FHIT: variants seen among roughly 807,000 people sequenced by gnomAD.
FHIT encodes the protein bis(5'-adenosyl)-triphosphatase.
In FHIT, 19 loss-of-function variants were observed where a neutral mutation model predicts 17.9. The observed-to-expected ratio is 1.06, with a 90% confidence interval of 0.74 to 1.56. The LOEUF (loss-of-function observed/expected upper bound fraction) is 1.56. Ranked by LOEUF, FHIT falls within the 40% of genes most tolerant of loss-of-function variation. The pLI, the probability that FHIT is intolerant of heterozygous loss-of-function variation, is 0.00. For synonymous variants in FHIT, 81 were observed against 69.7 expected, an observed-to-expected ratio of 1.16 and a Z score of -0.81; for missense variants, 248 against 189.2, an observed-to-expected ratio of 1.31 and a Z score of -1.82.
At chr3:59,806,138 A>G (rs2450165) in intron 8 of FHIT, among the ~76,000 whole-genome samples, 12,855 of 151,078 alleles carry the variant, frequency 0.085, 641 homozygotes, top group Non-Finnish European at 0.12. Flanking sequence ...CCGAGATCAC[A>G]CCGCTGCACT....
At chr3:60,539,849 G>A (rs867951126) in intron 4 of FHIT, among the ~76,000 whole-genome samples, 23 of 151,984 alleles carry the variant, frequency 1.5e-4, no homozygotes, top group Admixed American at 3.3e-4. Flanking sequence ...TGAATGACAA[G>A]TTAATGGGTG....
chr3:60,154,489 A>C (rs1282779065), intron 5 of FHIT, among the ~76,000 whole-genome samples: 1 of 152,240 alleles, frequency 6.6e-6, no homozygotes. Context: ...TTTATATCCC[A>C]TCAAGGAATC....
In FHIT at chr3:60,614,819, TGTTTTTTTTTTG is replaced by T. The variant is rs1358319912; in HGVS notation, c.-17-77852_-17-77841del. ...AAAATTGCAAAAGTTGTTTTTTTTT[TGTTTTTTTTTTG>T]TTTTTTTTTTGTTTTTTGAGATGGA... On this transcript the variant is annotated intron_variant, in intron 4 of 9. Coordinates refer to ENST00000492590, the MANE Select transcript of FHIT (RefSeq NM_002012.4). 1.8e-4 allele frequency among the ~76,000 whole-genome samples: 21 copies of T among 114,410 alleles called. 5 individuals are homozygous for T. The highest frequency in any genetic ancestry group is 2.9e-4 in the Admixed American group (3 of 10,324). The allele number at this position is 114,410 out of a possible 152,430, so 75.1% of individuals were successfully genotyped here.
intron 3 of FHIT, among the ~76,000 whole-genome samples, chr3:60,860,158 T>TATATAGATATATCTGATATACATGAG (rs1703594897): frequency 1.4e-5 from 1 of 73,058 alleles, no homozygotes; most frequent in African/African-American, 4.5e-5. Context: ...GTATATATGA[T>TATATAGATATATCTGATATACATGAG]ATACATCATA....
intron 4 of FHIT, among the ~76,000 whole-genome samples, chr3:60,585,841 T>G (rs1313536923): frequency 1.3e-5 from 2 of 152,146 alleles, no homozygotes; most frequent in Non-Finnish European, 2.9e-5. Flanking sequence ...ACAGTTGTTT[T>G]ACTATTTTTT....
At chr3:60,364,573 T>C (rs1417889788) in intron 5 of FHIT, among the ~76,000 whole-genome samples, 1 of 152,218 alleles carries the variant, frequency 6.6e-6, no homozygotes, top group Non-Finnish European at 1.5e-5. Flanking sequence ...ACCCAGGAAA[T>C]TAATGTCACA....
At chr3:61,183,690 G>C (rs1489315970) in intron 2 of FHIT, among the ~76,000 whole-genome samples, 1 of 152,166 alleles carries the variant, frequency 6.6e-6, no homozygotes, top group African/African-American at 2.4e-5. Context: ...AAGCCAAAAA[G>C]CCAGCTACAT....
At chr3:60,536,605 C>A in intron 5 of FHIT, 1 of 369,416 alleles carries the variant, frequency 2.7e-6, no homozygotes, top group South Asian at 1.1e-4. Flanking sequence ...AAAAATTCAC[C>A]TCCAAAGCCA....
intron 1 of FHIT, among the ~76,000 whole-genome samples, chr3:61,239,135 G>A (rs1197959932): frequency 1.3e-5 from 2 of 152,154 alleles, no homozygotes; most frequent in African/African-American, 2.4e-5. Context: ...AAGTAGTGGA[G>A]AAGCAGATGA....
chr3:61,246,449 T>C lies in FHIT; in HGVS notation c.-213+4852A>G, dbSNP rs531735194. Among the ~76,000 whole-genome samples, 62 of 152,294 alleles carry C rather than the reference T, an allele frequency of 4.1e-4. No homozygotes were observed. The South Asian group carries it at 9.7e-3, about 24-fold the overall frequency. ...ATACATAGCTATACATCCATACTTT[T>C]ATGAAAACAAATCCAACAATTTCAT... On this transcript the variant is annotated intron_variant, in intron 1 of 9. Transcript: ENST00000492590.
chr3:60,895,665 C>CCTCTTT (rs1705758961), intron 3 of FHIT, among the ~76,000 whole-genome samples: 2 of 107,020 alleles, frequency 1.9e-5, no homozygotes, highest in East Asian at 6.4e-4. Context: ...TTCCTTCCTT[C>CCTCTTT]CTTTCTTTCT....
chr3:60,038,236 C>G (rs1701301936), intron 5 of FHIT, among the ~76,000 whole-genome samples: 1 of 152,126 alleles, frequency 6.6e-6, no homozygotes, highest in Admixed American at 6.6e-5. Flanking sequence ...ATTTTATGTG[C>G]TATAGTTATT....
chr3:60,704,617 C>T (rs1320012272), intron 4 of FHIT, among the ~76,000 whole-genome samples: 1 of 152,118 alleles, frequency 6.6e-6, no homozygotes, highest in Non-Finnish European at 1.5e-5. Context: ...GACAGAAAAA[C>T]AACTTGAAAA....
At chr3:60,425,470 A>C (rs1250818810) in intron 5 of FHIT, among the ~76,000 whole-genome samples, 4 of 152,062 alleles carry the variant, frequency 2.6e-5, no homozygotes, top group Admixed American at 6.6e-5. Context: ...TAATCTGTAC[A>C]CTAAACCCTT....
At chr3:60,794,568 T>C (rs775437564) in intron 4 of FHIT, among the ~76,000 whole-genome samples, 10 of 152,242 alleles carry the variant, frequency 6.6e-5, no homozygotes, top group African/African-American at 2.4e-4. Flanking sequence ...AGTTCACACA[T>C]AGCTCTGCCA....
At chr3:60,454,519 G>A (rs2031962514) in intron 5 of FHIT, among the ~76,000 whole-genome samples, 1 of 151,684 alleles carries the variant, frequency 6.6e-6, no homozygotes, top group Admixed American at 6.6e-5. Context: ...CGAGTAGCTG[G>A]GACTACAGGC....
rs1349650834 is a variant in FHIT, at chr3:60,350,187, C to T, written c.103+186673G>A. On this transcript the variant is annotated intron_variant, in intron 5 of 9. Coordinates refer to ENST00000492590, the MANE Select transcript of FHIT (RefSeq NM_002012.4). ...AATAATGTCAGTTGCAACTGGGGAA[C>T]TGAGGGTCCTGGAGACTCCCAACTC... 3.3e-5 allele frequency among the ~76,000 whole-genome samples: 5 copies of T among 152,090 alleles called. No homozygotes were observed. The East Asian group carries it at 9.6e-4, about 29-fold the overall frequency.
chr3:60,726,860 C>T (rs1435507576), intron 4 of FHIT, among the ~76,000 whole-genome samples: 1 of 152,108 alleles, frequency 6.6e-6, no homozygotes, highest in Non-Finnish European at 1.5e-5. Context: ...TGTTTGTCCT[C>T]CTAATAGTGT....
At chr3:60,732,799 G>C (rs1165190164) in intron 4 of FHIT, among the ~76,000 whole-genome samples, 1 of 146,500 alleles carries the variant, frequency 6.8e-6, no homozygotes, top group African/African-American at 2.5e-5. Context: ...TGATTCTCCT[G>C]CCTCAGTCTC....
Sources: gnomAD v4.1 joint callset for allele counts (sites outside exome capture counted in the v4.1 genomes callset) on GRCh38, gnomAD v4.1.1 for gene constraint, MANE v1.5 for transcripts, NCBI Gene and HGNC (gene_info 2026-07-23, HGNC 2026-07-21) for gene names.